Variants in ATL1 observed in about 807,000 individuals in gnomAD.
ATL1 encodes atlastin-1.
In ATL1, 31 loss-of-function variants were observed where a neutral mutation model predicts 75.5. That is an observed-to-expected ratio of 0.41 (90% CI 0.31 to 0.55). ATL1 has a LOEUF of 0.55. Ranked by LOEUF, ATL1 falls within the 20% of genes least tolerant of loss-of-function variation. ATL1 has a pLI of 0.27. For synonymous variants in ATL1, 226 were observed against 233.3 expected (o/e 0.97, Z 0.28); for missense variants, 405 against 662.6 (o/e 0.61, Z 4.27).
At chr14:50,560,424 C>A (rs1249387301) in intron 1 of ATL1, 125 bp downstream of exon 1, 6 of 1,267,498 alleles carry the variant, frequency 4.7e-6, no homozygotes, top group Non-Finnish European at 5.6e-6. Flanking sequence ...GGAGACGGGC[C>A]GTAGCCGAGC....
chr14:50,593,622 G>T (rs1355803164), intron 4 of ATL1, among the ~76,000 whole-genome samples: 1 of 152,152 alleles, frequency 6.6e-6, no homozygotes, highest in Non-Finnish European at 1.5e-5. Flanking sequence ...CTCCAGAGCA[G>T]GTGACTACTG....
At chr14:50,576,945 CATA>C (rs10599232) in intron 1 of ATL1, among the ~76,000 whole-genome samples, 5,589 of 152,030 alleles carry the variant, frequency 0.037, 340 homozygotes, top group African/African-American at 0.13. Flanking sequence ...GAGTCGAGTA[CATA>C]ATATTTGTTC....
At chr14:50,596,573 T>C (rs1487983297) in intron 6 of ATL1, among the ~76,000 whole-genome samples, 2 of 152,208 alleles carry the variant, frequency 1.3e-5, no homozygotes, top group East Asian at 1.9e-4. Flanking sequence ...GTTTACCACA[T>C]ATTAAGCCAC....
chr14:50,550,690 A>G (rs1333195651), intron 1 of ATL1, among the ~76,000 whole-genome samples: 1 of 152,256 alleles, frequency 6.6e-6, no homozygotes, highest in Admixed American at 6.5e-5. Context: ...TCAAAATTAT[A>G]TCAAGTATCT....
At chr14:50,583,790 A>C (rs2039077501) in intron 1 of ATL1, among the ~76,000 whole-genome samples, 1 of 152,180 alleles carries the variant, frequency 6.6e-6, no homozygotes, top group South Asian at 2.1e-4. Flanking sequence ...CTTTTTATGA[A>C]GCTATTTTGA....
At chr14:50,584,353 G>A (rs1045923949) in intron 1 of ATL1, among the ~76,000 whole-genome samples, 1 of 152,002 alleles carries the variant, frequency 6.6e-6, no homozygotes, top group African/African-American at 2.4e-5. Context: ...ACTCTGCCTG[G>A]GTAACAGAGT....
At chr14:50,628,596 C>T (rs1421916183) in intron 12 of ATL1, 134 bp downstream of exon 12, 1 of 871,418 alleles carries the variant, frequency 1.1e-6, no homozygotes, top group African/African-American at 1.7e-5. Context: ...TTATGACCTG[C>T]CCAGATACAA....
chr14:50,626,804 G>T (rs555110981), intron 11 of ATL1, among the ~76,000 whole-genome samples: 25 of 152,170 alleles, frequency 1.6e-4, no homozygotes, highest in African/African-American at 5.8e-4. Flanking sequence ...GTAGATTATT[G>T]CTAATTACAG....
intron 1 of ATL1, among the ~76,000 whole-genome samples, chr14:50,546,801 C>T (rs1324412213): frequency 6.7e-6 from 1 of 150,332 alleles, no homozygotes; most frequent in Non-Finnish European, 1.5e-5. Context: ...GTAACAAAAT[C>T]TTCTGAATTA....
chr14:50,595,313 T>C (rs2039203806), intron 5 of ATL1, among the ~76,000 whole-genome samples: 1 of 152,170 alleles, frequency 6.6e-6, no homozygotes, highest in South Asian at 2.1e-4. Context: ...AGTGTTAATT[T>C]TAAAAATAAA....
intron 1 of ATL1, among the ~76,000 whole-genome samples, chr14:50,566,293 C>T (rs563675520): frequency 6.6e-6 from 1 of 152,268 alleles, no homozygotes; most frequent in East Asian, 1.9e-4. Flanking sequence ...CCACTGCACC[C>T]GGCCAGGACA....
At chr14:50,614,581 G>A (rs1204231494) in intron 8 of ATL1, 70 bp downstream of exon 8, 10 of 1,509,696 alleles carry the variant, frequency 6.6e-6, no homozygotes, top group Non-Finnish European at 9.1e-6. Context: ...TATCTATTGG[G>A]CTTATGGCTG....
intron 1 of ATL1, among the ~76,000 whole-genome samples, chr14:50,578,553 G>A (rs2039027780): frequency 6.6e-6 from 1 of 151,964 alleles, no homozygotes; most frequent in Admixed American, 6.6e-5. Context: ...CATGCATATT[G>A]TACTACTTGC....
At chr14:50,610,425 A>C (rs2039354917) in intron 6 of ATL1, among the ~76,000 whole-genome samples, 1 of 152,102 alleles carries the variant, frequency 6.6e-6, no homozygotes, top group Non-Finnish European at 1.5e-5. Flanking sequence ...AAGCAACAGA[A>C]GATATGCTCA....
chr14:50,569,217 A>T (rs1011104951), intron 1 of ATL1, among the ~76,000 whole-genome samples: 1 of 151,826 alleles, frequency 6.6e-6, no homozygotes, highest in African/African-American at 2.4e-5. Context: ...AAAATTATCC[A>T]GGTGTGGTGG....
chr14:50,560,463 G>C, intron 1 of ATL1, 164 bp downstream of exon 1: 1 of 945,564 alleles, frequency 1.1e-6, no homozygotes. Flanking sequence ...AGGAACCATG[G>C]CCGAGCGGTA....
chr14:50,548,671 A>C (rs535978492), intron 1 of ATL1, among the ~76,000 whole-genome samples: 2 of 152,116 alleles, frequency 1.3e-5, no homozygotes, highest in Non-Finnish European at 2.9e-5. Context: ...CGCCACGCCC[A>C]GCTAATTTTT....
intron 1 of ATL1, among the ~76,000 whole-genome samples, chr14:50,536,893 A>G (rs1036231505): frequency 9.9e-5 from 15 of 152,254 alleles, no homozygotes; most frequent in African/African-American, 3.6e-4. Context: ...AGGGAAGCAC[A>G]GCATAAAAGT....
At chr14:50,574,024 A>T (rs1436939748) in intron 1 of ATL1, among the ~76,000 whole-genome samples, 2 of 152,126 alleles carry the variant, frequency 1.3e-5, no homozygotes, top group African/African-American at 4.8e-5. Flanking sequence ...AAGGAGACTG[A>T]CTGATAACCG....
Sources: gnomAD v4.1 joint callset for allele counts (sites outside exome capture counted in the v4.1 genomes callset) on GRCh38, gnomAD v4.1.1 for gene constraint, MANE v1.5 for transcripts, NCBI Gene and HGNC (gene_info 2026-07-23, HGNC 2026-07-21) for gene names.